The following FAM86B1 variants were observed in gnomAD, a reference collection of about 807,000 sequenced individuals.
The protein encoded by FAM86B1 is putative protein N-methyltransferase FAM86B1.
For missense variants in FAM86B1, 13 were observed against 328.1 expected (o/e 0.04, Z 7.42); for synonymous variants, 4 against 137.6 (o/e 0.03, Z 6.79).
chr8:12,191,582 C>G (rs1242731208), intron 2 of FAM86B1, among the ~76,000 whole-genome samples, 197 bp downstream of exon 2: 5 of 140,146 alleles, frequency 3.6e-5, no homozygotes, highest in Non-Finnish European at 1.5e-5. Flanking sequence ...GATGTCTTTT[C>G]TAAGTCTTAC....
chr8:12,182,615 G>T lies in FAM86B1; in HGVS notation c.*991C>A. On this transcript the variant is annotated 3_prime_UTR_variant, in exon 7 of 7. Transcript: ENST00000448228. ...GCTTTTCTCAAACTTTTCTGATCCT[G>T]CAGGCAAGCTAAGCCAGTTCTGGAA... 8.5e-6 allele frequency: 10 copies of T among 1,177,962 alleles called. No individual in the cohort carries two copies. The highest frequency in any genetic ancestry group is 1.2e-5 in the Non-Finnish European group (10 of 842,812). 73.0% of individuals were successfully genotyped at this position (1,177,962 alleles called of 1,614,324 possible). A position where few individuals can be genotyped will look rare whatever the true frequency, so the allele number is the denominator to read the frequency against.
chr8:12,185,410 G>C lies in FAM86B1; in HGVS notation c.756C>G (p.Asn252Lys). 3 of 1,588,720 alleles carry C rather than the reference G, an allele frequency of 1.9e-6. 1 individual carries two copies. The highest frequency in any genetic ancestry group is 2.6e-6 in the Non-Finnish European group (3 of 1,165,770). The part of the protein sequence containing the change: ...PEVYVAFTVR[N>K]PETCQLFTTE... ...TGGTGAACAGCTGGCACGTCTCTGG[G>C]TTGCGGACGGTAAAGGCCACGTAGA... The change falls in exon 6 of 7, where the codon AAC (asparagine) becomes AAG (lysine). Residue 252 changes from asparagine (N) to lysine (K), a missense_variant. Transcript: ENST00000448228.
chr8:12,182,596 C>G lies in FAM86B1; in HGVS notation c.*1010G>C. 2.3e-6 allele frequency: 3 copies of G among 1,322,810 alleles called. No homozygotes were observed. Among genetic ancestry groups the G allele is most frequent in the South Asian group, 1.2e-5 (1 of 81,048 alleles). 81.9% of individuals were successfully genotyped at this position (1,322,810 alleles called of 1,614,324 possible). A position where few individuals can be genotyped will look rare whatever the true frequency, so the allele number is the denominator to read the frequency against. ...TCTTTAGCATTTTGCAGATGCTTTT[C>G]TCAAACTTTTCTGATCCTGCAGGCA... On this transcript the variant is annotated 3_prime_UTR_variant, in exon 7 of 7. Coordinates refer to ENST00000448228, the MANE Select transcript of FAM86B1 (RefSeq NM_001083537.4).
Position 12,186,438 on chromosome 8 carries a change from G to C in FAM86B1, c.554C>G (p.Pro185Arg). ...EADITGNLDS[P>R]RVTVAQLDWD... is the part of the protein sequence containing the mutation. Reference sequence around the variant, plus strand: ...GTCCAGCTGGGCCACTGTCACCCTGGGGCTGTCTAAGTTGCCAGTGATGTC... The same window carrying C: ...GTCCAGCTGGGCCACTGTCACCCTGCGGCTGTCTAAGTTGCCAGTGATGTC... The change falls in exon 5 of 7, where the codon CCC (proline) becomes CGC (arginine). Residue 185 changes from proline to arginine, a missense_variant. Transcript: ENST00000448228. 6.2e-7 allele frequency: 1 copy of C among 1,605,312 alleles called. No homozygotes were observed. The highest frequency in any genetic ancestry group is 8.5e-7 in the Non-Finnish European group (1 of 1,176,422).
chr8:12,184,085 G>A (rs570915055), intron 6 of FAM86B1, among the ~76,000 whole-genome samples: 6 of 63,648 alleles, frequency 9.4e-5, no homozygotes, highest in Admixed American at 1.7e-4. Flanking sequence ...AAAAAAAAAA[G>A]GTTGGTTGAG....
Position 12,190,975 on chromosome 8 carries a change from C to T in FAM86B1, c.159+804G>A, listed in dbSNP as rs1382488684. Among the ~76,000 whole-genome samples the T allele has an allele frequency of 8.3e-3, 1,174 of 141,614 alleles. 4 individuals carry two copies. Among genetic ancestry groups the T allele is most frequent in the African/African-American group, 0.031 (1,073 of 34,438 alleles). 92.9% of individuals were successfully genotyped at this position (141,614 alleles called of 152,430 possible). On this transcript the variant is annotated intron_variant, in intron 2 of 6. Coordinates refer to ENST00000448228, the MANE Select transcript of FAM86B1 (RefSeq NM_001083537.4). ...TCAGGGTGAAACTCAGAGCAAGGTG[C>T]GAGATAACTTCAGGTATCTCCATGC...
chr8:12,185,493 G>A lies in FAM86B1; in HGVS notation c.673C>T (p.Leu225=). The A allele has an allele frequency of 6.4e-7, 1 of 1,561,416 alleles. No individual in the cohort carries two copies. Among genetic ancestry groups the A allele is most frequent in the South Asian group, 1.1e-5 (1 of 87,344 alleles). Reference sequence around the variant, plus strand: ...GCCAGCCTCTGCAGGACCCCGACCAGCGACACGATGGCTTCTGGGCAATAC... The same window carrying A: ...GCCAGCCTCTGCAGGACCCCGACCAACGACACGATGGCTTCTGGGCAATAC... ...VLYCPEAIVS[L]VGVLQRLAAC... The change falls in exon 6 of 7, where the codon CTG becomes TTG. Residue 225 remains leucine (L), a synonymous_variant. Coordinates refer to ENST00000448228, the MANE Select transcript of FAM86B1 (RefSeq NM_001083537.4).
upstream of FAM86B1, chr8:12,194,810 G>A (rs1249334531): frequency 1.3e-5 from 2 of 151,666 alleles, no homozygotes; most frequent in Non-Finnish European, 1.4e-5. Flanking sequence ...TTGGGGCGGG[G>A]CCGAGACGGA....
At chr8:12,194,284 G>A (rs568391291), upstream of FAM86B1, among the ~76,000 whole-genome samples, 1 of 147,920 alleles carries the variant, frequency 6.8e-6, no homozygotes, top group Non-Finnish European at 1.5e-5. Flanking sequence ...AAGCGACATC[G>A]GGGCAGGTCC....
intron 3 of FAM86B1, among the ~76,000 whole-genome samples, chr8:12,189,303 T>TAAAA (rs1563197062): frequency 8.8e-5 from 6 of 67,830 alleles, no homozygotes; most frequent in Admixed American, 1.5e-4. Context: ...AATAAATAAG[T>TAAAA]AAAAAATAAA....
chr8:12,192,948 CA>C (rs2150757681), intron 1 of FAM86B1, among the ~76,000 whole-genome samples: 1 of 145,964 alleles, frequency 6.9e-6, no homozygotes, highest in South Asian at 2.1e-4. Context: ...GTCACTTGCC[CA>C]AGGTCACACA....
intron 3 of FAM86B1, among the ~76,000 whole-genome samples, chr8:12,189,320 C>T: frequency 9.0e-6 from 1 of 110,658 alleles, no homozygotes; most frequent in Non-Finnish European, 1.7e-5. Context: ...TAAAATCCAT[C>T]CTATATCAGT....
intron 1 of FAM86B1, among the ~76,000 whole-genome samples, chr8:12,193,202 G>A (rs1807221047): frequency 6.9e-6 from 1 of 145,096 alleles, no homozygotes; most frequent in African/African-American, 2.8e-5. Context: ...GGTTAAAAAT[G>A]CACACATTTC....
chr8:12,185,438 T>G lies in FAM86B1; in HGVS notation c.728A>C (p.Glu243Ala). 6.3e-7 allele frequency: 1 copy of G among 1,586,758 alleles called. No individual in the cohort carries two copies. The highest frequency in any genetic ancestry group is 1.1e-5 in the South Asian group (1 of 87,948). ...GCGGACGGTAAAGGCCACGTAGACC[T>G]CAGGAGCCCGCTTGTGCTCCCGGCA... ...AACREHKRAPEVYVAFTVRNP... is the reference protein window; with the variant it reads ...AACREHKRAPAVYVAFTVRNP... Residue 243 changes from glutamate to alanine, a missense_variant, in exon 6 of 7, where the codon GAG becomes GCG. By Grantham distance (107) the Glu-to-Ala change is moderately radical. Transcript: ENST00000448228.
chr8:12,193,444 GT>G (rs1807276838), intron 1 of FAM86B1: 1 of 190,716 alleles, frequency 5.2e-6, no homozygotes, highest in Non-Finnish European at 1.0e-5. Flanking sequence ...AGAATGGCAG[GT>G]CCCCAGGGAG....
upstream of FAM86B1, chr8:12,194,823 G>A (rs1453653496): frequency 2.0e-5 from 3 of 151,954 alleles, no homozygotes; most frequent in East Asian, 1.9e-4. Flanking sequence ...GAGACGGAGC[G>A]AGGGGTCCAG....
upstream of FAM86B1, chr8:12,194,159 G>A (rs532206065): frequency 3.5e-4 from 500 of 1,448,838 alleles, 66 homozygotes; most frequent in African/African-American, 6.2e-3. Flanking sequence ...CAGAGCGCGG[G>A]GGCAGAGAGG....
At position 12,191,743 on chromosome 8, in the gene FAM86B1, C is replaced by T; in HGVS notation, c.159+36G>A. ...AGGTCTTCCGGAGAGATTCAAGAGG[C>T]AGGATCATGAGTCCCAGGGACTCTG... On this transcript the variant is annotated intron_variant, in intron 2 of 6. Coordinates refer to ENST00000448228, the MANE Select transcript of FAM86B1 (RefSeq NM_001083537.4). 4 of 928,718 alleles carry T rather than the reference C, an allele frequency of 4.3e-6. 1 individual carries two copies. Among genetic ancestry groups the T allele is most frequent in the Non-Finnish European group, 5.8e-6 (4 of 689,036 alleles). 57.5% of individuals were successfully genotyped at this position (928,718 alleles called of 1,614,324 possible).
rs562886765 is a variant in FAM86B1, at chr8:12,183,695, TC to T, written c.801del (p.Ile268SerfsTer25). The T allele has an allele frequency of 6.0e-4, 406 of 672,094 alleles. No individual in the cohort carries two copies. The African/African-American group carries it at 8.0e-3, about 13-fold the overall frequency. The allele number at this position is 672,094 out of a possible 1,614,324, so 41.6% of individuals were successfully genotyped here. A position where few individuals can be genotyped will look rare whatever the true frequency, so the allele number is the denominator to read the frequency against. ...QLFTTELGRD[G>X]IRWEAEAHHD... ...TGATGAGCTTCCGCTTCCCATCTGA[TC>T]CCATCCCGGCCTGGAAACAAAGCAC... On this transcript the variant is annotated frameshift_variant, in exon 7 of 7. Coordinates refer to ENST00000448228, the MANE Select transcript of FAM86B1 (RefSeq NM_001083537.4). LOFTEE classifies it high-confidence loss of function.
Sources: allele counts gnomAD v4.1 joint callset (sites outside exome capture counted in the v4.1 genomes callset), GRCh38; gene constraint gnomAD v4.1.1; transcripts MANE v1.5; gene names NCBI Gene and HGNC (gene_info 2026-07-23, HGNC 2026-07-21).